TMEM117: variants seen among roughly 807,000 people sequenced by gnomAD.
TMEM117 encodes transmembrane protein 117.
Under a neutral mutation model 52.4 loss-of-function variants are expected in TMEM117, and 27 were observed. The ratio of observed to expected loss-of-function variants is 0.51; its 90% CI spans 0.38 to 0.71. The LOEUF (loss-of-function observed/expected upper bound fraction) is 0.71, where lower values mean the gene tolerates loss of function less well. TMEM117 is among the 30% of genes least tolerant of loss of function. The pLI, the probability that TMEM117 is intolerant of heterozygous loss-of-function variation, is 0.00. For missense variants in TMEM117, 556 were observed against 630.5 expected (o/e 0.88, Z 1.26); for synonymous variants, 215 against 206.3 (o/e 1.04, Z -0.36).
At chr12:43,882,276 A>G (rs1454288501) in intron 2 of TMEM117, among the ~76,000 whole-genome samples, 6 of 151,854 alleles carry the variant, frequency 4.0e-5, no homozygotes, top group Admixed American at 3.3e-4. Flanking sequence ...CCTGGCCGAC[A>G]TGGTGAAACC....
At chr12:44,003,120 C>T (rs183182483) in intron 3 of TMEM117, among the ~76,000 whole-genome samples, 32 of 152,284 alleles carry the variant, frequency 2.1e-4, no homozygotes, top group African/African-American at 7.7e-4. Flanking sequence ...TCACTAGGCC[C>T]TGCCTCTGGC....
chr12:43,856,333 C>T (rs545872063), intron 2 of TMEM117, among the ~76,000 whole-genome samples: 27 of 152,294 alleles, frequency 1.8e-4, no homozygotes, highest in African/African-American at 6.0e-4. Flanking sequence ...AATCATACTT[C>T]TTCTAGGTGC....
At chr12:43,800,670 A>T in the TMEM117 span, 1 of 603,762 alleles carries the variant, frequency 1.7e-6, no homozygotes, top group Non-Finnish European at 2.9e-6. Flanking sequence ...ATATGCTAAA[A>T]TACGTGTGTA....
chr12:44,325,554 T>C (rs996655948), intron 6 of TMEM117, among the ~76,000 whole-genome samples: 4 of 151,750 alleles, frequency 2.6e-5, no homozygotes, highest in Non-Finnish European at 5.9e-5. Context: ...AATTGGTTGT[T>C]CACATCCTTT....
rs1209075111 is a variant in TMEM117 at position 43,912,507 on chromosome 12, T to TTTTATATATATATATATATA, written c.278-31702_278-31701insTTATATATATATATATATAT. 6.8e-5 allele frequency among the ~76,000 whole-genome samples: 9 copies of TTTTATATATATATATATATA among 132,102 alleles called. No individual in the cohort carries two copies. The East Asian group carries it at 8.1e-4, about 12-fold the overall frequency. The allele number at this position is 132,102 out of a possible 152,430, so 86.7% of individuals were successfully genotyped here. On this transcript the variant is annotated intron_variant, in intron 2 of 7. Transcript: ENST00000266534. ...AAACTTAAAGTATAATAATAATAATTTATATATATATATATATATATATAT... is the reference window on the plus strand; with the variant it reads ...AAACTTAAAGTATAATAATAATAATTTTTATATATATATATATATATATATATATATATATATATATATAT...
At chr12:43,797,515 A>G in the TMEM117 span, 27 of 1,421,922 alleles carry the variant, frequency 1.9e-5, no homozygotes, top group African/African-American at 3.1e-4. Context: ...GTTAAAACAT[A>G]TAATAAAAAG....
intron 3 of TMEM117, among the ~76,000 whole-genome samples, chr12:44,131,246 T>G (rs1948408953): frequency 6.6e-6 from 1 of 152,174 alleles, no homozygotes. Context: ...GTTTCTATTT[T>G]GACTCCTGTT....
the TMEM117 span, among the ~76,000 whole-genome samples, chr12:43,809,218 T>C: frequency 1.3e-5 from 2 of 152,264 alleles, no homozygotes; most frequent in African/African-American, 4.8e-5. Flanking sequence ...CATCCATCCA[T>C]CTTGTTTCTT....
intron 6 of TMEM117, among the ~76,000 whole-genome samples, chr12:44,357,291 A>G (rs1355218959): frequency 1.3e-5 from 2 of 152,000 alleles, no homozygotes; most frequent in Non-Finnish European, 1.5e-5. Context: ...AATTATGATC[A>G]TTTCTCTATC....
intron 4 of TMEM117, among the ~76,000 whole-genome samples, chr12:44,144,326 G>A (rs181216097): frequency 1.3e-5 from 2 of 152,278 alleles, no homozygotes; most frequent in East Asian, 3.9e-4. Flanking sequence ...AAATTTATGA[G>A]AGACTCACAA....
At chr12:43,823,505 A>T in the TMEM117 span, among the ~76,000 whole-genome samples, 1 of 151,912 alleles carries the variant, frequency 6.6e-6, no homozygotes, top group African/African-American at 2.4e-5. Context: ...TTTCATTTTT[A>T]TTTCTTTATT....
chr12:44,025,704 A>AT (rs1946522516), intron 3 of TMEM117, among the ~76,000 whole-genome samples: 1 of 152,214 alleles, frequency 6.6e-6, no homozygotes, highest in African/African-American at 2.4e-5. Context: ...CTAAATGAGT[A>AT]TTAAAGAGTC....
chr12:44,045,085 G>A (rs1046448265), intron 3 of TMEM117, among the ~76,000 whole-genome samples: 1 of 152,186 alleles, frequency 6.6e-6, no homozygotes, highest in Non-Finnish European at 1.5e-5. Context: ...TAATAATGAA[G>A]TGGCTAGGAT....
intron 5 of TMEM117, among the ~76,000 whole-genome samples, chr12:44,250,140 T>G (rs929278289): frequency 1.3e-5 from 2 of 149,982 alleles, no homozygotes; most frequent in African/African-American, 5.0e-5. Context: ...TTAAACAAAT[T>G]TACAGGAAAA....
chr12:43,898,194 G>A (rs1362741966), intron 2 of TMEM117, among the ~76,000 whole-genome samples: 1 of 151,996 alleles, frequency 6.6e-6, no homozygotes, highest in Non-Finnish European at 1.5e-5. Flanking sequence ...GATTTGGGAT[G>A]ATGTTTGAAG....
intron 4 of TMEM117, among the ~76,000 whole-genome samples, chr12:44,145,062 C>T (rs1425640821): frequency 6.6e-6 from 1 of 152,142 alleles, no homozygotes; most frequent in African/African-American, 2.4e-5. Context: ...GAGGCTGAGG[C>T]AGGAGAATGG....
chr12:43,893,674 T>C (rs542207998), intron 2 of TMEM117, among the ~76,000 whole-genome samples: 4 of 152,358 alleles, frequency 2.6e-5, no homozygotes, highest in African/African-American at 7.2e-5. Context: ...CACCTTTTCA[T>C]GAACCTTTCC....
chr12:44,014,439 T>G (rs1946343237), intron 3 of TMEM117, among the ~76,000 whole-genome samples: 1 of 152,130 alleles, frequency 6.6e-6, no homozygotes, highest in Admixed American at 6.5e-5. Flanking sequence ...AGAGAGGATA[T>G]GAGCCCGAGG....
chr12:44,021,994 G>C (rs1459942799), intron 3 of TMEM117, among the ~76,000 whole-genome samples: 2 of 152,174 alleles, frequency 1.3e-5, no homozygotes, highest in Non-Finnish European at 2.9e-5. Flanking sequence ...CTATGAGTAT[G>C]TTATTTAAAA....
Sources: allele counts gnomAD v4.1 joint callset (sites outside exome capture counted in the v4.1 genomes callset), GRCh38; gene constraint gnomAD v4.1.1; transcripts MANE v1.5; gene names NCBI Gene and HGNC (gene_info 2026-07-23, HGNC 2026-07-21).